Variants in PCSK4 observed in about 807,000 individuals in gnomAD.
PCSK4 encodes the protein testicular tissue protein Li 135.
A neutral mutation model predicts 80.3 loss-of-function variants in PCSK4; 64 were observed. The observed-to-expected ratio is 0.80, with a 90% CI of 0.65 to 0.98. The LOEUF (loss-of-function observed/expected upper bound fraction) is 0.98. Among genes scored for constraint, PCSK4 ranks in the 50% least tolerant of loss-of-function variants. The pLI, the probability that PCSK4 is intolerant of heterozygous loss-of-function variation, is 0.00. For synonymous variants in PCSK4, 561 were observed against 487.6 expected (o/e 1.15, Z -1.98); for missense variants, 1,213 against 1,093.6 (o/e 1.11, Z -1.54).
chr19:1,485,745 C>T (rs2084569537), intron 8 of PCSK4, among the ~76,000 whole-genome samples: 2 of 151,736 alleles, frequency 1.3e-5, no homozygotes, highest in Admixed American at 1.3e-4. Flanking sequence ...GTGGCGGGCA[C>T]CTGTAGTCCC....
chr19:1,482,882 C>A lies in PCSK4; in HGVS notation c.1696+14G>T, dbSNP rs767719176. The A allele has an allele frequency of 6.2e-7, 1 of 1,610,420 alleles. No individual in the cohort carries two copies. Among genetic ancestry groups the A allele is most frequent in the South Asian group, 1.1e-5 (1 of 90,980 alleles). On this transcript the variant is annotated intron_variant, in intron 13 of 14. Coordinates refer to ENST00000300954, the Ensembl canonical transcript of PCSK4. ...AGCCAAGCCCCGCCCACCACAGCCC[C>A]GCCCCGCCCTCACCCGTGTTGAAAT... is the stretch of plus-strand genomic sequence containing the variant.
chr19:1,485,459 A>G (rs996380899), intron 8 of PCSK4, among the ~76,000 whole-genome samples: 1 of 151,956 alleles, frequency 6.6e-6, no homozygotes, highest in African/African-American at 2.4e-5. Flanking sequence ...CAGCTGCTCA[A>G]GAGGCTGAGG....
At chr19:1,488,024 G>C in exon 4 of PCSK4, 1 of 1,613,476 alleles carries the variant, frequency 6.2e-7, no homozygotes, top group Admixed American at 1.7e-5. Context: ...CAGAGACCAC[G>C]ATGCCCTGGC....
intron 1 of PCSK4, 21 bp downstream of exon 1, chr19:1,490,137 G>A: frequency 6.2e-7 from 1 of 1,612,924 alleles, no homozygotes; most frequent in Non-Finnish European, 8.5e-7. Context: ...CCCACTTCCC[G>A]TCTATCCCGG....
chr19:1,484,214 G>A lies in PCSK4; in HGVS notation c.1069-87C>T, dbSNP rs1599213704. On this transcript the variant is annotated intron_variant, in intron 8 of 14. Transcript: ENST00000300954. ...AAAAAGTACCAAGGACTGGGCGGGC[G>A]CAGTGGCTCAGGCCTGTCATCCCAG... is the stretch of plus-strand genomic sequence containing the variant. 6 of 765,844 alleles carry A rather than the reference G, an allele frequency of 7.8e-6. No individual in the cohort carries two copies. The Middle Eastern group carries it at 1.4e-3, about 174-fold the overall frequency. The allele number at this position is 765,844 out of a possible 1,614,324, so 47.4% of individuals were successfully genotyped here.
chr19:1,486,780 G>T, intron 8 of PCSK4, 73 bp downstream of exon 8: 1 of 1,278,806 alleles, frequency 7.8e-7, no homozygotes, highest in East Asian at 2.5e-5. Context: ...AGTCACAGTG[G>T]TGGGGACAGG....
chr19:1,483,273 G>A lies in PCSK4; in HGVS notation c.1571+11C>T, dbSNP rs1182120071. The stretch of plus-strand genomic sequence containing the variant: ...CATGAGGCCGCCCCCTCTCCTCTGC[G>A]GGCCGCTCACCGTATGGCCACGAGT... On this transcript the variant is annotated intron_variant, in intron 12 of 14. Coordinates refer to ENST00000300954, the Ensembl canonical transcript of PCSK4. 4 of 1,565,358 alleles carry A rather than the reference G, an allele frequency of 2.6e-6. No individual in the cohort carries two copies. The highest frequency in any genetic ancestry group is 3.5e-6 in the Non-Finnish European group (4 of 1,154,812).
chr19:1,490,367 G>A lies in PCSK4; in HGVS notation c.-21C>T, dbSNP rs765538921. 3.0e-6 allele frequency: 3 copies of A among 1,000,220 alleles called. No individual in the cohort carries two copies. In the Admixed American group the frequency reaches 8.9e-5, roughly 30 times the overall value. The allele number at this position is 1,000,220 out of a possible 1,614,324, so 62.0% of individuals were successfully genotyped here. A position where few individuals can be genotyped will look rare whatever the true frequency, so the allele number is the denominator to read the frequency against. On this transcript the variant is annotated 5_prime_UTR_variant, in exon 1 of 15. Transcript: ENST00000300954. The stretch of plus-strand genomic sequence containing the variant: ...CGCATGGAGGCGGGGCGGGAGCGGG[G>A]CCTGCGCAAATCCCCTCCCTCCCGC...
chr19:1,490,299 C>T (rs1468616142), exon 1 of PCSK4: 1 of 1,560,268 alleles, frequency 6.4e-7, no homozygotes, highest in African/African-American at 1.4e-5. Flanking sequence ...GGACAAGGGC[C>T]AGGGCCAAGA....
chr19:1,484,077 C>T (rs374799007), exon 9 of PCSK4: 12 of 1,566,172 alleles, frequency 7.7e-6, no homozygotes, highest in African/African-American at 1.4e-5. Context: ...GGGCTGAGGC[C>T]GAGGTGCCCG....
chr19:1,481,485 G>A (rs2084293772), exon 15 of PCSK4: 2 of 372,196 alleles, frequency 5.4e-6, no homozygotes, highest in South Asian at 2.3e-4. Context: ...GCCCGAGGCG[G>A]ACAGTGTCAC....
exon 15 of PCSK4, chr19:1,482,123 G>T: frequency 1.3e-6 from 2 of 1,555,008 alleles, no homozygotes; most frequent in Non-Finnish European, 8.6e-7. Context: ...AGGCCCAGCG[G>T]TCACCAGCCT....
In PCSK4 at chr19:1,483,943, T is replaced by TGCGGGGG; in HGVS notation, c.1170-9_1170-3dup. The stretch of plus-strand genomic sequence containing the variant: ...ATGTCTCTCCACGTCAGGAACGGGC[T>TGCGGGGG]GCGGGGGGCGGGGGCGGGGGCGGGT... On this transcript the variant is annotated splice_region_variant and splice_polypyrimidine_tract_variant and intron_variant, in intron 9 of 14. Transcript: ENST00000300954. The TGCGGGGG allele has an allele frequency of 1.6e-6, 2 of 1,219,516 alleles. No homozygotes were observed. Among genetic ancestry groups the TGCGGGGG allele is most frequent in the Non-Finnish European group, 2.2e-6 (2 of 908,942 alleles). The allele number at this position is 1,219,516 out of a possible 1,614,324, so 75.5% of individuals were successfully genotyped here. A position where few individuals can be genotyped will look rare whatever the true frequency, so the allele number is the denominator to read the frequency against.
At chr19:1,486,956 A>G (rs1426155388) in exon 8 of PCSK4, 2 of 1,608,188 alleles carry the variant, frequency 1.2e-6, no homozygotes, top group Non-Finnish European at 1.7e-6. Context: ...GGTGCTGCCC[A>G]CGGAAAGCGT....
rs957322184 is a variant in PCSK4, at chr19:1,483,577, G to T, written c.1391+73C>A. ...GGGGTCCAGCCCTCGTTTTACAGAT[G>T]GGTAAACTGAGGCCTCAGGCCTGTC... On this transcript the variant is annotated intron_variant, in intron 11 of 14. Coordinates refer to ENST00000300954, the Ensembl canonical transcript of PCSK4. The T allele has an allele frequency of 1.6e-4, 223 of 1,425,086 alleles. 1 individual carries two copies. The highest frequency in any genetic ancestry group is 1.9e-4 in the Non-Finnish European group (203 of 1,050,304). 88.3% of individuals were successfully genotyped at this position (1,425,086 alleles called of 1,614,324 possible).
Position 1,481,916 on chromosome 19 carries a change from C to CGGTGGTGG in PCSK4, c.2103_2110dup (p.Arg704ProfsTer12). The CGGTGGTGG allele has an allele frequency of 6.3e-7, 1 of 1,594,310 alleles. No homozygotes were observed. Among genetic ancestry groups the CGGTGGTGG allele is most frequent in the South Asian group, 1.1e-5 (1 of 88,690 alleles). ...CAGCACCATGGCCGAGGCTGGGCAG[C>CGGTGGTGG]GGTGGTGGGGACAGGCGGCAGCTCT... On this transcript the variant is annotated frameshift_variant, in exon 15 of 15. Transcript: ENST00000300954. LOFTEE classifies it low-confidence loss of function (END_TRUNC).
chr19:1,482,737 C>T, intron 13 of PCSK4, 159 bp downstream of exon 13: 1 of 827,644 alleles, frequency 1.2e-6, no homozygotes, highest in Admixed American at 2.5e-5. Flanking sequence ...TCATTGCACA[C>T]CATCTCCCGG....
At chr19:1,483,418 G>A (rs1189344710) in exon 12 of PCSK4, 3 of 1,599,518 alleles carry the variant, frequency 1.9e-6, no homozygotes, top group Non-Finnish European at 2.5e-6. Context: ...GGAGGCCGGC[G>A]CAGGCCGATA....
chr19:1,485,502 T>G (rs979181171), intron 8 of PCSK4, among the ~76,000 whole-genome samples: 1 of 152,000 alleles, frequency 6.6e-6, no homozygotes, highest in African/African-American at 2.4e-5. Flanking sequence ...CAGGCGTAGG[T>G]TGCAGTGAGC....
Sources: allele counts gnomAD v4.1 joint callset (sites outside exome capture counted in the v4.1 genomes callset), GRCh38; gene constraint gnomAD v4.1.1; transcripts MANE v1.5; gene names NCBI Gene and HGNC (gene_info 2026-07-23, HGNC 2026-07-21).